SRXN1: variants seen among roughly 807,000 people sequenced by gnomAD.
SRXN1 encodes the protein sulfiredoxin-1.
SRXN1 carries 11 observed loss-of-function variants against 11.0 expected under a neutral mutation model. The observed-to-expected ratio is 1.00, with a 90% CI of 0.63 to 1.65. The LOEUF (loss-of-function observed/expected upper bound fraction) is 1.65, where lower values mean the gene tolerates loss of function less well. Among genes scored for constraint, SRXN1 ranks in the 40% most tolerant of loss-of-function variants. The pLI is 0.00. For missense variants in SRXN1, 211 were observed against 194.5 expected, an observed-to-expected ratio of 1.08 and a Z score of -0.50; for synonymous variants, 106 against 92.8, an observed-to-expected ratio of 1.14 and a Z score of -0.82.
At chr20:649,544 A>T (rs537137088) in intron 1 of SRXN1, among the ~76,000 whole-genome samples, 7 of 152,316 alleles carry the variant, frequency 4.6e-5, no homozygotes, top group African/African-American at 1.2e-4. Flanking sequence ...TCTACTAAAA[A>T]TACAAAAATT....
intron 1 of SRXN1, among the ~76,000 whole-genome samples, chr20:649,347 G>A (rs1238864823): frequency 6.6e-6 from 1 of 152,234 alleles, no homozygotes; most frequent in East Asian, 1.9e-4. Context: ...ACAGGTGACA[G>A]GACAGAGATG....
Position 647,952 on chromosome 20 carries a change from T to C in SRXN1, c.*762A>G, listed in dbSNP as rs1165688805. 1 of 403,366 alleles carries C rather than the reference T, an allele frequency of 2.5e-6. No homozygotes were observed. The highest frequency in any genetic ancestry group is 2.1e-5 in the African/African-American group (1 of 48,716). The allele number at this position is 403,366 out of a possible 1,614,324, so 25.0% of individuals were successfully genotyped here. A position where few individuals can be genotyped will look rare whatever the true frequency, so the allele number is the denominator to read the frequency against. On this transcript the variant is annotated 3_prime_UTR_variant, in exon 2 of 2. Coordinates refer to ENST00000381962, the MANE Select transcript of SRXN1 (RefSeq NM_080725.3). ...CGATTGGTCTATTCAGCCATGACAA[T>C]TCTGTTCCCTGCTGTCTTAGCTTTG...
chr20:648,931 G>A lies in SRXN1; in HGVS notation c.211-14C>T. ...GTCTGGGTCCTCCTGGGGAGAAGAGGCACAGAGTCAATGGACATGGTACAA... is the reference window on the plus strand; with the variant it reads ...GTCTGGGTCCTCCTGGGGAGAAGAGACACAGAGTCAATGGACATGGTACAA... On this transcript the variant is annotated splice_polypyrimidine_tract_variant and intron_variant, in intron 1 of 1. Transcript: ENST00000381962. The A allele has an allele frequency of 6.2e-7, 1 of 1,613,664 alleles. No individual in the cohort carries two copies. Among genetic ancestry groups the A allele is most frequent in the Non-Finnish European group, 8.5e-7 (1 of 1,179,822 alleles).
rs772746875 is a variant in SRXN1 at position 648,477 on chromosome 20, G to A, written c.*237C>T. ...CAAGCCCATCTCTGTTCTCCTTCTC[G>A]GTAATGCTTCAAGGGTAAGGCCATG... On this transcript the variant is annotated 3_prime_UTR_variant, in exon 2 of 2. Transcript: ENST00000381962. 8.9e-5 allele frequency: 58 copies of A among 652,916 alleles called. No individual in the cohort carries two copies. Among genetic ancestry groups the A allele is most frequent in the South Asian group, 7.7e-4 (50 of 64,738 alleles). 40.4% of individuals were successfully genotyped at this position (652,916 alleles called of 1,614,324 possible).
rs1362924878 is a variant in SRXN1, at chr20:646,808, T to A, written c.*1906A>T. 2.0e-5 allele frequency: 3 copies of A among 152,120 alleles called. No individual in the cohort carries two copies. The highest frequency in any genetic ancestry group is 2.9e-5 in the Non-Finnish European group (2 of 68,022). 9.4% of individuals were successfully genotyped at this position (152,120 alleles called of 1,614,324 possible). A position where few individuals can be genotyped will look rare whatever the true frequency, so the allele number is the denominator to read the frequency against. On this transcript the variant is annotated 3_prime_UTR_variant, in exon 2 of 2. Coordinates refer to ENST00000381962, the MANE Select transcript of SRXN1 (RefSeq NM_080725.3). ...TATATTAACTAAAATTCAGACTTTT[T>A]TCAGATTTCCAATTTTCCCACTAAT...
rs1426957040 is a variant in SRXN1 at position 653,082 on chromosome 20, G to A, written c.104C>T (p.Ser35Leu). 4.0e-6 allele frequency: 6 copies of A among 1,494,322 alleles called. No individual in the cohort carries two copies. Among genetic ancestry groups the A allele is most frequent in the South Asian group, 1.3e-5 (1 of 78,890 alleles). 92.6% of individuals were successfully genotyped at this position (1,494,322 alleles called of 1,614,324 possible). ...GTTGTGCACCGCGGCGATGCGGCCC[G>A]AGTGGATGCTGCCGCCCTGCGCGCC... Reference protein sequence around the residue: ...SGGAQGGSIHSGRIAAVHNVP... With the variant: ...SGGAQGGSIHLGRIAAVHNVP... The change falls in exon 1 of 2, where the codon TCG becomes TTG. Residue 35 changes from serine to leucine, a missense_variant. By Grantham distance (145) the Ser-to-Leu change is moderately radical. Coordinates refer to ENST00000381962, the MANE Select transcript of SRXN1 (RefSeq NM_080725.3).
In SRXN1 at chr20:648,356, T is replaced by C. The variant is rs977408420; in HGVS notation, c.*358A>G. 3 of 484,954 alleles carry C rather than the reference T, an allele frequency of 6.2e-6. No individual in the cohort carries two copies. The highest frequency in any genetic ancestry group is 3.9e-5 in the African/African-American group (2 of 51,298). 30.0% of individuals were successfully genotyped at this position (484,954 alleles called of 1,614,324 possible). Reference sequence around the variant, plus strand: ...CACTGCAATCAAGGTTTTCCTTTCCTTGCAGCTGAATGTAGTCCATATAAG... The same window carrying C: ...CACTGCAATCAAGGTTTTCCTTTCCCTGCAGCTGAATGTAGTCCATATAAG... On this transcript the variant is annotated 3_prime_UTR_variant, in exon 2 of 2. Transcript: ENST00000381962.
chr20:648,456 C>T lies in SRXN1; in HGVS notation c.*258G>A. On this transcript the variant is annotated 3_prime_UTR_variant, in exon 2 of 2. Transcript: ENST00000381962. ...AGCCGGCAGCACGTGGCTCTTCAAG[C>T]CCATCTCTGTTCTCCTTCTCGGTAA... 1 of 637,746 alleles carries T rather than the reference C, an allele frequency of 1.6e-6. No individual in the cohort carries two copies. 39.5% of individuals were successfully genotyped at this position (637,746 alleles called of 1,614,324 possible). A position where few individuals can be genotyped will look rare whatever the true frequency, so the allele number is the denominator to read the frequency against.
At position 648,934 on chromosome 20, in the gene SRXN1, CAG is replaced by C. The variant is rs752143751; in HGVS notation, c.211-19_211-18del. ...TGGGTCCTCCTGGGGAGAAGAGGCA[CAG>C]AGTCAATGGACATGGTACAAGGCTT... On this transcript the variant is annotated intron_variant, in intron 1 of 1. Transcript: ENST00000381962. 5.6e-6 allele frequency: 9 copies of C among 1,613,484 alleles called. No homozygotes were observed. Among genetic ancestry groups the C allele is most frequent in the Middle Eastern group, 1.7e-4 (1 of 6,060 alleles).
In SRXN1 at chr20:648,903, G is replaced by A. The variant is rs151033608; in HGVS notation, c.225C>T (p.Ser75=). 1,077 of 1,614,136 alleles carry A rather than the reference G, an allele frequency of 6.7e-4. 1 individual carries two copies. The highest frequency in any genetic ancestry group is 8.3e-4 in the Non-Finnish European group (982 of 1,180,032). Residue 75 remains serine, a synonymous_variant, in exon 2 of 2, where the codon AGC becomes AGT. Coordinates refer to ENST00000381962, the MANE Select transcript of SRXN1 (RefSeq NM_080725.3). ...TCCAGAGGACATCGATGGGGGGCACGCTGTCTGGGTCCTCCTGGGGAGAAG... is the reference window on the plus strand; with the variant it reads ...TCCAGAGGACATCGATGGGGGGCACACTGTCTGGGTCCTCCTGGGGAGAAG... ...LVDTIREDPD[S]VPPIDVLWIK... is the part of the protein sequence containing the mutation.
intron 1 of SRXN1, among the ~76,000 whole-genome samples, chr20:650,562 C>A (rs1568640264): frequency 6.6e-6 from 1 of 152,196 alleles, no homozygotes; most frequent in African/African-American, 2.4e-5. Context: ...CCTCCTGCTG[C>A]TGGTCCACGG....
intron 1 of SRXN1, among the ~76,000 whole-genome samples, chr20:652,323 A>T (rs1487071350): frequency 6.6e-6 from 1 of 152,134 alleles, no homozygotes; most frequent in Non-Finnish European, 1.5e-5. Flanking sequence ...AACGTTATGT[A>T]GGCCTAACCT....
chr20:649,102 A>G (rs1352260480), intron 1 of SRXN1, among the ~76,000 whole-genome samples, 185 bp from the exon 2 acceptor site: 1 of 152,204 alleles, frequency 6.6e-6, no homozygotes, highest in Non-Finnish European at 1.5e-5. Flanking sequence ...AAAATCAGCC[A>G]TGGGAGAGTA....
chr20:648,606 G>C lies in SRXN1; in HGVS notation c.*108C>G. 7.9e-7 allele frequency: 1 copy of C among 1,270,496 alleles called. No individual in the cohort carries two copies. Among genetic ancestry groups the C allele is most frequent in the Non-Finnish European group, 1.1e-6 (1 of 888,290 alleles). The allele number at this position is 1,270,496 out of a possible 1,614,324, so 78.7% of individuals were successfully genotyped here. ...TGCCCAGAGTCAGACCCTCTCGCCA[G>C]GTGCAAAGAGAATGCACCCCTGCTA... On this transcript the variant is annotated 3_prime_UTR_variant, in exon 2 of 2. Transcript: ENST00000381962.
chr20:652,086 G>C (rs1420280473), intron 1 of SRXN1, among the ~76,000 whole-genome samples: 1 of 152,188 alleles, frequency 6.6e-6, no homozygotes. Context: ...TCGGGCTAAG[G>C]GGAGAGCTAG....
chr20:649,488 G>C (rs1250874569), intron 1 of SRXN1, among the ~76,000 whole-genome samples: 1 of 152,144 alleles, frequency 6.6e-6, no homozygotes, highest in Non-Finnish European at 1.5e-5. Context: ...GATCACCTGA[G>C]GTCAGGAGTT....
chr20:652,996 T>G lies in SRXN1; in HGVS notation c.190A>C (p.Ser64Arg). The G allele has an allele frequency of 6.4e-7, 1 of 1,564,800 alleles. No individual in the cohort carries two copies. Among genetic ancestry groups the G allele is most frequent in the Non-Finnish European group, 8.6e-7 (1 of 1,157,060 alleles). ...PSVLDPAKVQ[S>R]LVDTIREDPD... ...CTCACCCGGATCGTGTCCACGAGGC[T>G]CTGCACCTTGGCGGGGTCCAACACG... Residue 64 changes from serine (S) to arginine (R), a missense_variant, in exon 1 of 2, where the codon AGC (serine) becomes CGC (arginine). By Grantham distance (110) the Ser-to-Arg change is moderately radical (BLOSUM62 -1). Transcript: ENST00000381962.
Position 648,641 on chromosome 20 carries a change from C to T in SRXN1, c.*73G>A. On this transcript the variant is annotated 3_prime_UTR_variant, in exon 2 of 2. Coordinates refer to ENST00000381962, the MANE Select transcript of SRXN1 (RefSeq NM_080725.3). The stretch of plus-strand genomic sequence containing the variant: ...GAATGCACCCCTGCTATCCCTTCTG[C>T]ATGGCCCAGCCTGCTGGAGGCCAGG... The T allele has an allele frequency of 6.4e-7, 1 of 1,551,376 alleles. No individual in the cohort carries two copies. Among genetic ancestry groups the T allele is most frequent in the Middle Eastern group, 1.7e-4 (1 of 5,844 alleles).
rs140166119 is a variant in SRXN1 at position 648,822 on chromosome 20, G to A, written c.306C>T (p.Tyr102=). 8.1e-6 allele frequency: 13 copies of A among 1,614,120 alleles called. No homozygotes were observed. The highest frequency in any genetic ancestry group is 5.3e-5 in the African/African-American group (4 of 74,944). ...CTCGCTGCAGTTGCTGGTAGGCCGC[G>A]TAGCGGTGGCAGCCCCCAAAGGAGT... is the stretch of plus-strand genomic sequence containing the variant. The part of the protein sequence containing the change: ...YFYSFGGCHR[Y]AAYQQLQRET... Residue 102 remains tyrosine, a synonymous_variant, in exon 2 of 2, where the codon TAC becomes TAT. Transcript: ENST00000381962.
Sources: gnomAD v4.1 joint callset for allele counts (sites outside exome capture counted in the v4.1 genomes callset) on GRCh38, gnomAD v4.1.1 for gene constraint, MANE v1.5 for transcripts, NCBI Gene and HGNC (gene_info 2026-07-23, HGNC 2026-07-21) for gene names.